PLXNA3: variants seen among roughly 807,000 people sequenced by gnomAD.
PLXNA3 encodes plexin-A3.
Under a neutral mutation model 118.8 loss-of-function variants are expected in PLXNA3, and 52 were observed. The observed-to-expected ratio is 0.44, with a 90% CI of 0.35 to 0.55. The LOEUF (loss-of-function observed/expected upper bound fraction) is 0.55, where lower values mean the gene tolerates loss of function less well. Ranked by LOEUF, PLXNA3 falls within the 20% of genes least tolerant of loss-of-function variation. The pLI, the probability that PLXNA3 is intolerant of heterozygous loss-of-function variation, is 0.01. For synonymous variants in PLXNA3, 925 were observed against 762.4 expected (o/e 1.21, Z -3.51); for missense variants, 1,660 against 1,730.8 (o/e 0.96, Z 0.73).
At chrX:154,463,834 G>A (rs372075042) in intron 6 of PLXNA3, 117 bp from the exon 7 acceptor site, 105 of 1,025,382 alleles carry the variant, frequency 1.0e-4, no homozygotes, top group East Asian at 6.0e-4. Flanking sequence ...CCCGAGTGAC[G>A]TCCCTCGGGC....
At chrX:154,469,824 G>A in intron 28 of PLXNA3, 40 bp downstream of exon 28, 1 of 1,147,498 alleles carries the variant, frequency 8.7e-7, no homozygotes, top group Non-Finnish European at 1.2e-6. Context: ...CCCTTCGAGG[G>A]AACCCCCACT....
rs1557205558 is a variant in PLXNA3, at chrX:154,463,504, C to T, written c.1431C>T (p.Leu477=). 2 of 1,206,332 alleles carry T rather than the reference C, an allele frequency of 1.7e-6. No homozygotes were observed. Among genetic ancestry groups the T allele is most frequent in the South Asian group, 3.5e-5 (2 of 56,581 alleles). The change falls in exon 5 of 33, where the codon CTC becomes CTT. Residue 477 remains leucine, a synonymous_variant. Coordinates refer to ENST00000369682, the MANE Select transcript of PLXNA3 (RefSeq NM_017514.5). ...GCCCGGACCACCGGCACATCTATCT[C>T]CTGAGTGAGAAGCAGGTGGGCCTGT... ...LFSPDHRHIY[L]LSEKQVSQLP... is the part of the protein sequence containing the mutation.
Position 154,458,312 on chromosome X carries a change from G to C in PLXNA3, c.-144G>C, listed in dbSNP as rs2068875259. ...TGGGCGGCGGCGGCGGCGGCTGCGC[G>C]CTTGGGGCCCGGGGCGCGGGGCGAG... On this transcript the variant is annotated 5_prime_UTR_variant, in exon 1 of 33. Coordinates refer to ENST00000369682, the MANE Select transcript of PLXNA3 (RefSeq NM_017514.5). 9.1e-6 allele frequency: 1 copy of C among 109,644 alleles called. No individual in the cohort carries two copies. Among genetic ancestry groups the C allele is most frequent in the African/African-American group, 3.3e-5 (1 of 30,371 alleles). 9.0% of individuals were successfully genotyped at this position (109,644 alleles called of 1,213,427 possible).
chrX:154,468,478 C>T lies in PLXNA3; in HGVS notation c.4139C>T (p.Thr1380Met). 3 of 1,211,215 alleles carry T rather than the reference C, an allele frequency of 2.5e-6. No homozygotes were observed. Among genetic ancestry groups the T allele is most frequent in the East Asian group, 3.0e-5 (1 of 33,850 alleles). ...CTGCAGAGCCGGCTCGACTATGCCA[C>T]GGGGCTGCTCAAGCAACTGCTGGCC... is the stretch of plus-strand genomic sequence containing the variant. ...VALQSRLDYA[T>M]GLLKQLLADL... The change falls in exon 23 of 33, where the codon ACG becomes ATG. Residue 1380 changes from threonine to methionine, a missense_variant. Physicochemically the swap from Thr to Met is moderately conservative, Grantham distance 81. This residue lies in a region of PLXNA3 where 869 missense variants were observed against 1,078.7 expected (regional missense o/e 0.81). Coordinates refer to ENST00000369682, the MANE Select transcript of PLXNA3 (RefSeq NM_017514.5).
rs782671896 is a variant in PLXNA3 at position 154,471,623 on chromosome X, C to T, written c.5505C>T (p.Thr1835=). The change falls in exon 32 of 33, where the codon ACC becomes ACT. Residue 1835 remains threonine (T), a synonymous_variant. Transcript: ENST00000369682. The part of the protein sequence containing the change: ...SALNELYFYV[T]KYRQEILTAL... Reference sequence around the variant, plus strand: ...TCAACGAGCTGTATTTCTATGTCACCAAGTACCGCCAGGAGGTGTGTGTCA... The same window carrying T: ...TCAACGAGCTGTATTTCTATGTCACTAAGTACCGCCAGGAGGTGTGTGTCA... 55 of 1,205,475 alleles carry T rather than the reference C, an allele frequency of 4.6e-5. No homozygotes were observed. Among genetic ancestry groups the T allele is most frequent in the Non-Finnish European group, 5.6e-5 (50 of 891,488 alleles).
rs145615075 is a variant in PLXNA3 at position 154,461,419 on chromosome X, C to T, written c.915C>T (p.Ala305=). 1 of 1,210,552 alleles carries T rather than the reference C, an allele frequency of 8.3e-7. No individual in the cohort carries two copies. The highest frequency in any genetic ancestry group is 1.7e-5 in the African/African-American group (1 of 57,814). The change falls in exon 3 of 33, where the codon GCC becomes GCT. Residue 305 remains alanine (A), a synonymous_variant. Transcript: ENST00000369682. ...AHLAKPGLLL[A]QALGVPADED... ...TGGCCAAGCCTGGCCTGCTGCTGGC[C>T]CAGGCCCTGGGCGTGCCGGCTGATG...
Position 154,460,227 on chromosome X carries a change from G to C in PLXNA3, c.44G>C (p.Gly15Ala). Residue 15 changes from glycine (G) to alanine (A), a missense_variant, in exon 2 of 33, where the codon GGG becomes GCG. Transcript: ENST00000369682. ...CTCCTGCTGCTCTTCCTTGCCGTGG[G>C]GGGGGCCCTGGGCAACAGGCCCTTC... Reference protein sequence around the residue: ...CLLLLLFLAVGGALGNRPFRA... With the variant: ...CLLLLLFLAVAGALGNRPFRA... 8.3e-7 allele frequency: 1 copy of C among 1,209,542 alleles called. No homozygotes were observed. The highest frequency in any genetic ancestry group is 1.7e-5 in the African/African-American group (1 of 57,876).
Position 154,464,038 on chromosome X carries a change from G to C in PLXNA3, c.1635G>C (p.Arg545=). The C allele has an allele frequency of 8.3e-7, 1 of 1,210,188 alleles. No homozygotes were observed. The highest frequency in any genetic ancestry group is 3.0e-5 in the East Asian group (1 of 33,798). ...GCAAGTGTGTCCAGGTGCGGGTCCG[G>C]CCCAACAATGTGTCAGTGACGTCAC... ...ELSKCVQVRV[R]PNNVSVTSPG... Residue 545 remains arginine (R), a synonymous_variant, in exon 7 of 33, where the codon CGG becomes CGC. Coordinates refer to ENST00000369682, the MANE Select transcript of PLXNA3 (RefSeq NM_017514.5).
chrX:154,460,396 C>T lies in PLXNA3; in HGVS notation c.213C>T (p.Val71=), dbSNP rs138811959. 4.3e-4 allele frequency: 518 copies of T among 1,205,097 alleles called. 1 individual carries two copies. The highest frequency in any genetic ancestry group is 5.5e-4 in the Admixed American group (25 of 45,688). ...TGCGGGCCCATGTCACGGGGCCCGT[C>T]GAGGACAACGCTCGCTGCTACCCGC... The part of the protein sequence containing the change: ...TELRAHVTGP[V]EDNARCYPPP... The change falls in exon 2 of 33, where the codon GTC becomes GTT. Residue 71 remains valine, a synonymous_variant. Coordinates refer to ENST00000369682, the MANE Select transcript of PLXNA3 (RefSeq NM_017514.5).
intron 8 of PLXNA3, 21 bp downstream of exon 8, chrX:154,464,334 C>T (rs782625921): frequency 8.3e-7 from 1 of 1,202,799 alleles, no homozygotes; most frequent in East Asian, 3.0e-5. Context: ...TGGGGCTGCC[C>T]AGGATGGGGC....
rs782302770 is a variant in PLXNA3, at chrX:154,462,326, C to T, written c.1317+16C>T. ...CTTGAAGAAGGTGGCCCCCAGAGCC[C>T]TGGGCATGTGGGGGTGGGGACAGTC... On this transcript the variant is annotated intron_variant, in intron 4 of 32. Coordinates refer to ENST00000369682, the MANE Select transcript of PLXNA3 (RefSeq NM_017514.5). 3 of 1,119,422 alleles carry T rather than the reference C, an allele frequency of 2.7e-6. No individual in the cohort carries two copies. Among genetic ancestry groups the T allele is most frequent in the Admixed American group, 2.9e-5 (1 of 34,325 alleles). The allele number at this position is 1,119,422 out of a possible 1,213,427, so 92.3% of individuals were successfully genotyped here.
intron 4 of PLXNA3, among the ~76,000 whole-genome samples, chrX:154,462,762 G>C (rs782423905): frequency 5.4e-5 from 6 of 111,188 alleles, no homozygotes; most frequent in Non-Finnish European, 7.6e-5. Context: ...GGGCCCGGGG[G>C]CTGAAGCTGC....
rs139270764 is a variant in PLXNA3, at chrX:154,467,276, C to T, written c.3246C>T (p.Pro1082=). The change falls in exon 19 of 33, where the codon CCC becomes CCT. Residue 1082 remains proline, a synonymous_variant. Coordinates refer to ENST00000369682, the MANE Select transcript of PLXNA3 (RefSeq NM_017514.5). Reference sequence around the variant, plus strand: ...ACACTGCCATGCTGTGTAAGGCCCCCGGCATCTTTCTTGGGCGGCCCCAGC... The same window carrying T: ...ACACTGCCATGCTGTGTAAGGCCCCTGGCATCTTTCTTGGGCGGCCCCAGC... ...INDTAMLCKA[P]GIFLGRPQPR... 8.5e-5 allele frequency: 103 copies of T among 1,208,399 alleles called. No individual in the cohort carries two copies. In the African/African-American group the frequency reaches 1.4e-3, roughly 17 times the overall value.
rs2069235488 is a variant in PLXNA3 at position 154,476,273 on chromosome X, A to C, written c.*3588A>C. On this transcript the variant is annotated 3_prime_UTR_variant, in exon 33 of 33. Transcript: ENST00000369682. The stretch of plus-strand genomic sequence containing the variant: ...GGAGTTCGAGACCAGCCTCACCAAC[A>C]TGGAGAAACCCTGTGTCTACTAAAA... 9.0e-6 allele frequency: 1 copy of C among 110,891 alleles called. No individual in the cohort carries two copies. The highest frequency in any genetic ancestry group is 1.9e-5 in the Non-Finnish European group (1 of 52,856). The allele number at this position is 110,891 out of a possible 1,213,427, so 9.1% of individuals were successfully genotyped here. A position where few individuals can be genotyped will look rare whatever the true frequency, so the allele number is the denominator to read the frequency against.
intron 4 of PLXNA3, 64 bp from the exon 5 acceptor site, chrX:154,463,327 C>G: frequency 5.8e-6 from 7 of 1,201,451 alleles, no homozygotes; most frequent in Non-Finnish European, 7.9e-6. Flanking sequence ...AAGTCTTTGG[C>G]TGGAGAAGAC....
Position 154,467,760 on chromosome X carries a change from C to T in PLXNA3, c.3586-7C>T, listed in dbSNP as rs782336424. On this transcript the variant is annotated splice_region_variant and splice_polypyrimidine_tract_variant and intron_variant, in intron 20 of 32. Coordinates refer to ENST00000369682, the MANE Select transcript of PLXNA3 (RefSeq NM_017514.5). ...GTGGTCAGCTCACCTCAGGCCTGTC[C>T]CCACAGGTGCTGGTGGGTGGCCTGG... is the stretch of plus-strand genomic sequence containing the variant. The T allele has an allele frequency of 2.5e-6, 3 of 1,198,084 alleles. No individual in the cohort carries two copies. The highest frequency in any genetic ancestry group is 1.8e-5 in the African/African-American group (1 of 57,007).
Position 154,462,384 on chromosome X carries a change from G to A in PLXNA3, c.1317+74G>A, listed in dbSNP as rs781988140. Reference sequence around the variant, plus strand: ...TGGGACAAGGCTGGTGGGAACACACGGGAGAGCTCTGAGGACAGGACAGGA... The same window carrying A: ...TGGGACAAGGCTGGTGGGAACACACAGGAGAGCTCTGAGGACAGGACAGGA... On this transcript the variant is annotated intron_variant, in intron 4 of 32. Transcript: ENST00000369682. 196 of 817,531 alleles carry A rather than the reference G, an allele frequency of 2.4e-4. 1 individual carries two copies. Among genetic ancestry groups the A allele is most frequent in the African/African-American group, 1.7e-3 (81 of 46,701 alleles). The allele number at this position is 817,531 out of a possible 1,213,427, so 67.4% of individuals were successfully genotyped here.
intron 30 of PLXNA3, 80 bp downstream of exon 30, chrX:154,470,691 G>T: frequency 1.0e-6 from 1 of 961,484 alleles, no homozygotes. Flanking sequence ...CTGAGACCCA[G>T]GGCCTGGAGT....
At chrX:154,465,310 G>C in intron 11 of PLXNA3, 92 bp downstream of exon 11, 1 of 1,045,644 alleles carries the variant, frequency 9.6e-7, no homozygotes, top group Admixed American at 2.3e-5. Context: ...GCAGGGAACT[G>C]TCTGAGTCTC....
Sources: gnomAD v4.1 joint callset for allele counts (sites outside exome capture counted in the v4.1 genomes callset) on GRCh38, gnomAD v4.1.1 for gene constraint, gnomAD v4.1.1 regional missense constraint, MANE v1.5 for transcripts, NCBI Gene and HGNC (gene_info 2026-07-23, HGNC 2026-07-21) for gene names.